The following SHISA9 variants were observed in gnomAD, a reference collection of about 807,000 sequenced individuals.
SHISA9 encodes protein shisa-9.
SHISA9 carries 13 observed loss-of-function variants against 38.0 expected under a neutral mutation model. That is an observed-to-expected ratio of 0.34 (90% CI 0.22 to 0.54). The LOEUF (loss-of-function observed/expected upper bound fraction) is 0.54. Ranked by LOEUF, SHISA9 falls within the 20% of genes least tolerant of loss-of-function variation. The pLI is 0.91. For missense variants in SHISA9, 538 were observed against 575.8 expected, an observed-to-expected ratio of 0.93 and a Z score of 0.67; for synonymous variants, 275 against 242.0, an observed-to-expected ratio of 1.14 and a Z score of -1.27.
chr16:13,292,052 T>G, the SHISA9 span, among the ~76,000 whole-genome samples: 1 of 151,722 alleles, frequency 6.6e-6, no homozygotes, highest in East Asian at 2.0e-4. Context: ...TGAGTAGGAT[T>G]CCTCATGATC....
chr16:13,483,860 C>T, the SHISA9 span, among the ~76,000 whole-genome samples: 5 of 152,324 alleles, frequency 3.3e-5, no homozygotes, highest in Admixed American at 6.5e-5. Context: ...TCACCCTACA[C>T]ATCTCTTCAT....
the SHISA9 span, among the ~76,000 whole-genome samples, chr16:13,334,430 G>T: frequency 1.3e-5 from 2 of 152,138 alleles, no homozygotes; most frequent in East Asian, 3.9e-4. Context: ...CTTCTCCTCT[G>T]TAGAATTGGG....
intron 2 of SHISA9, among the ~76,000 whole-genome samples, chr16:13,103,093 C>A (rs1241785928): frequency 1.3e-5 from 2 of 152,164 alleles, no homozygotes; most frequent in African/African-American, 4.8e-5. Context: ...TCATTTATAA[C>A]TTGAGGAAAC....
At chr16:13,171,344 CA>C (rs1407745216) in intron 2 of SHISA9, among the ~76,000 whole-genome samples, 1 of 152,132 alleles carries the variant, frequency 6.6e-6, no homozygotes, top group Non-Finnish European at 1.5e-5. Flanking sequence ...CAAACCATAT[CA>C]GGCTTCTAGT....
At chr16:12,997,071 C>G (rs1034224545) in intron 2 of SHISA9, among the ~76,000 whole-genome samples, 2 of 152,142 alleles carry the variant, frequency 1.3e-5, no homozygotes, top group Non-Finnish European at 2.9e-5. Context: ...CTGCAACCAA[C>G]TCCTCTATCA....
At chr16:13,517,295 A>C in the SHISA9 span, among the ~76,000 whole-genome samples, 12 of 152,208 alleles carry the variant, frequency 7.9e-5, no homozygotes, top group African/African-American at 1.2e-4. Flanking sequence ...AACTACCCTG[A>C]AGATACCTTG....
the SHISA9 span, among the ~76,000 whole-genome samples, chr16:13,562,555 G>C: frequency 2.0e-5 from 3 of 151,252 alleles, no homozygotes; most frequent in African/African-American, 7.3e-5. Context: ...TCTTGAACCC[G>C]GGAGGCTGAG....
At chr16:13,124,351 C>A (rs2050238562) in intron 2 of SHISA9, among the ~76,000 whole-genome samples, 1 of 152,130 alleles carries the variant, frequency 6.6e-6, no homozygotes, top group Non-Finnish European at 1.5e-5. Flanking sequence ...AGAGAGGTTG[C>A]CATCTTACCA....
chr16:13,534,850 A>G, the SHISA9 span, among the ~76,000 whole-genome samples: 2 of 152,104 alleles, frequency 1.3e-5, no homozygotes, highest in Non-Finnish European at 2.9e-5. Context: ...TTTGCCTTCT[A>G]AAATCTTTCC....
chr16:13,138,746 G>A (rs2050371934), intron 2 of SHISA9, among the ~76,000 whole-genome samples: 1 of 152,322 alleles, frequency 6.6e-6, no homozygotes, highest in South Asian at 2.1e-4. Flanking sequence ...AAGAATTGCT[G>A]CCCTATGAGT....
chr16:13,351,618 C>G, the SHISA9 span, among the ~76,000 whole-genome samples: 4 of 152,282 alleles, frequency 2.6e-5, no homozygotes. Flanking sequence ...TGTTTATTTC[C>G]TTAGAACTAG....
At chr16:13,198,159 T>G (rs1050608761) in intron 2 of SHISA9, among the ~76,000 whole-genome samples, 4 of 152,102 alleles carry the variant, frequency 2.6e-5, no homozygotes, top group Non-Finnish European at 4.4e-5. Flanking sequence ...CACTCCAGTC[T>G]GGGCGACAGA....
intron 2 of SHISA9, among the ~76,000 whole-genome samples, chr16:13,069,576 G>A (rs1472296412): frequency 6.7e-6 from 1 of 148,302 alleles, no homozygotes. Flanking sequence ...GCATGTGTAT[G>A]TGTGTGTACA....
intron 4 of SHISA9, among the ~76,000 whole-genome samples, chr16:13,221,404 C>A (rs1341281604): frequency 1.3e-5 from 2 of 150,752 alleles, no homozygotes; most frequent in African/African-American, 4.9e-5. Context: ...CAACTTTATA[C>A]CATGTAGTTC....
chr16:12,937,065 C>A (rs1412596402), intron 2 of SHISA9, among the ~76,000 whole-genome samples: 1 of 152,162 alleles, frequency 6.6e-6, no homozygotes, highest in Non-Finnish European at 1.5e-5. Context: ...ACAGCTCCTT[C>A]CCCTGTGTTG....
intron 1 of SHISA9, among the ~76,000 whole-genome samples, chr16:12,907,421 T>C (rs987853206): frequency 2.6e-4 from 39 of 151,774 alleles, no homozygotes; most frequent in African/African-American, 9.2e-4. Context: ...CTTCTTTCTT[T>C]CTTGGCTGAA....
rs563707963 is a variant in SHISA9 at position 12,951,207 on chromosome 16, C to T, written c.691+34392C>T. On this transcript the variant is annotated intron_variant, in intron 2 of 4. Coordinates refer to ENST00000558583, the MANE Select transcript of SHISA9 (RefSeq NM_001145204.3). ...CGGCACTCCAACCTGGGTGACAGAG[C>T]AAGACTCCTTCTCCAAAAAAAAAAA... 2.7e-3 allele frequency among the ~76,000 whole-genome samples: 252 copies of T among 94,892 alleles called. 3 individuals carry two copies. Among genetic ancestry groups the T allele is most frequent in the Admixed American group, 4.3e-3 (23 of 5,378 alleles). 62.3% of individuals were successfully genotyped at this position (94,892 alleles called of 152,430 possible). A position where few individuals can be genotyped will look rare whatever the true frequency, so the allele number is the denominator to read the frequency against.
At chr16:13,419,605 G>A in the SHISA9 span, among the ~76,000 whole-genome samples, 2 of 152,218 alleles carry the variant, frequency 1.3e-5, no homozygotes, top group Non-Finnish European at 2.9e-5. Context: ...ATCAAAAGTA[G>A]AGGAGGTAAT....
the SHISA9 span, among the ~76,000 whole-genome samples, chr16:13,424,596 A>G: frequency 6.6e-6 from 1 of 152,256 alleles, no homozygotes; most frequent in African/African-American, 2.4e-5. Context: ...ATATCCCGTC[A>G]GAAGTCCCTT....
Sources: allele counts gnomAD v4.1 joint callset (sites outside exome capture counted in the v4.1 genomes callset), GRCh38; gene constraint gnomAD v4.1.1; transcripts MANE v1.5; gene names NCBI Gene and HGNC (gene_info 2026-07-23, HGNC 2026-07-21).